The following FAP variants were observed in gnomAD, a reference collection of about 807,000 sequenced individuals.
FAP encodes the protein prolyl endopeptidase FAP.
Under a neutral mutation model 126.5 loss-of-function variants are expected in FAP, and 110 were observed. That is an observed-to-expected ratio of 0.87 (90% CI 0.74 to 1.02). FAP has a LOEUF of 1.02. Among genes scored for constraint, FAP ranks in the 50% least tolerant of loss-of-function variants. The pLI is 0.00. For synonymous variants in FAP, 334 were observed against 297.3 expected, an observed-to-expected ratio of 1.12 and a Z score of -1.27; for missense variants, 919 against 909.2, an observed-to-expected ratio of 1.01 and a Z score of -0.14.
intron 2 of FAP, among the ~76,000 whole-genome samples, chr2:162,234,203 G>A (rs1576199335): frequency 6.6e-6 from 1 of 151,956 alleles, no homozygotes; most frequent in African/African-American, 2.4e-5. Context: ...TTGCATTTTT[G>A]TATGAATTTT....
chr2:162,221,468 T>G, intron 6 of FAP: 1 of 298,584 alleles, frequency 3.3e-6, no homozygotes, highest in South Asian at 2.8e-5. Flanking sequence ...GAGGTTGCAG[T>G]GAGCCGAGAT....
rs528230108 is a variant in FAP at position 162,201,592 on chromosome 2, C to A, written c.1224-973G>T. Among the ~76,000 whole-genome samples, 48 of 152,242 alleles carry A rather than the reference C, an allele frequency of 3.2e-4. 1 individual carries two copies. The South Asian group carries it at 1.0e-2, about 32-fold the overall frequency. On this transcript the variant is annotated intron_variant, in intron 14 of 25. Coordinates refer to ENST00000188790, the MANE Select transcript of FAP (RefSeq NM_004460.5). ...CTTCCCTGATTGTCTCCCTCTCTAACCCTTGCAGCCAGGTCCAGTTTGTCT... is the reference window on the plus strand; with the variant it reads ...CTTCCCTGATTGTCTCCCTCTCTAAACCTTGCAGCCAGGTCCAGTTTGTCT...
At chr2:162,215,621 C>T (rs1303613415) in intron 10 of FAP, among the ~76,000 whole-genome samples, 1 of 152,116 alleles carries the variant, frequency 6.6e-6, no homozygotes, top group Admixed American at 6.5e-5. Context: ...AGGGTGAGGA[C>T]GTACATGAAT....
chr2:162,191,971 C>G (rs1239755825), intron 17 of FAP, among the ~76,000 whole-genome samples: 1 of 152,124 alleles, frequency 6.6e-6, no homozygotes, highest in Admixed American at 6.6e-5. Flanking sequence ...AGAGATTAAT[C>G]CATTTACCTG....
chr2:162,210,386 G>T (rs1051879930), intron 11 of FAP, among the ~76,000 whole-genome samples: 6 of 151,928 alleles, frequency 3.9e-5, no homozygotes, highest in African/African-American at 1.5e-4. Flanking sequence ...TCTTATTTTG[G>T]GTTATATTTT....
chr2:162,215,083 G>A (rs549353003), intron 10 of FAP, among the ~76,000 whole-genome samples: 5 of 152,180 alleles, frequency 3.3e-5, no homozygotes, highest in South Asian at 2.1e-4. Context: ...ATCAGGGTGG[G>A]GAATAGCAGA....
At chr2:162,218,922 T>C in intron 8 of FAP, 141 bp downstream of exon 8, 1 of 572,988 alleles carries the variant, frequency 1.7e-6, no homozygotes, top group Non-Finnish European at 2.8e-6. Context: ...ACGTATGCCC[T>C]ATTCGTAACC....
At chr2:162,215,852 A>G in intron 10 of FAP, 46 bp downstream of exon 10, 1 of 1,345,378 alleles carries the variant, frequency 7.4e-7, no homozygotes, top group Non-Finnish European at 1.1e-6. Context: ...GCATAAATGC[A>G]CTAGAATATA....
At chr2:162,202,991 C>A in intron 13 of FAP, 49 bp from the exon 14 acceptor site, 2 of 1,592,050 alleles carry the variant, frequency 1.3e-6, no homozygotes, top group Non-Finnish European at 1.7e-6. Context: ...GTTATTTGAG[C>A]AACCTCAAGT....
At chr2:162,182,758 A>G (rs1276950706) in intron 21 of FAP, among the ~76,000 whole-genome samples, 3 of 152,200 alleles carry the variant, frequency 2.0e-5, no homozygotes, top group Non-Finnish European at 2.9e-5. Context: ...ACTCTTTCCA[A>G]TATTTCTCTA....
At chr2:162,213,796 T>A in intron 11 of FAP, 142 bp downstream of exon 11, 1 of 658,538 alleles carries the variant, frequency 1.5e-6, no homozygotes, top group Non-Finnish European at 2.5e-6. Context: ...GACCCATGAA[T>A]ACTGAGTGTG....
At chr2:162,179,812 A>AT (rs1206502227) in intron 21 of FAP, among the ~76,000 whole-genome samples, 298 of 90,524 alleles carry the variant, frequency 3.3e-3, no homozygotes, top group Middle Eastern at 0.012. Flanking sequence ...ATATATATAT[A>AT]TTTTTTTTTT....
In FAP at chr2:162,221,762, T is replaced by A. The variant is rs957361953; in HGVS notation, c.414-1837A>T. 6.6e-6 allele frequency: 3 copies of A among 456,454 alleles called. No individual in the cohort carries two copies. The Admixed American group carries it at 7.1e-5, about 11-fold the overall frequency. The allele number at this position is 456,454 out of a possible 1,614,324, so 28.3% of individuals were successfully genotyped here. A position where few individuals can be genotyped will look rare whatever the true frequency, so the allele number is the denominator to read the frequency against. ...TGAGAAAAGGCGAGGGAGGATGCTT[T>A]ACAAAGGCGTTCATCTCCTCAGTTT... On this transcript the variant is annotated intron_variant, in intron 6 of 25. Transcript: ENST00000188790.
At chr2:162,219,357 A>G (rs1348338398) in intron 7 of FAP, among the ~76,000 whole-genome samples, 174 bp from the exon 8 acceptor site, 1 of 152,160 alleles carries the variant, frequency 6.6e-6, no homozygotes, top group African/African-American at 2.4e-5. Context: ...ATTAACATCA[A>G]TTATGAATTT....
At chr2:162,226,642 C>T (rs1245223455) in intron 2 of FAP, 21 bp from the exon 3 acceptor site, 1 of 1,278,508 alleles carries the variant, frequency 7.8e-7, no homozygotes. Context: ...AGAGCAAATA[C>T]ATCCTTATTA....
At chr2:162,173,269 A>G (rs1400736810) in intron 23 of FAP, 48 bp from the exon 24 acceptor site, 3 of 1,359,090 alleles carry the variant, frequency 2.2e-6, no homozygotes, top group South Asian at 1.2e-5. Flanking sequence ...AAGTTCTAAT[A>G]GAAAACTAGC....
At chr2:162,237,338 T>C (rs1690178755) in intron 2 of FAP, among the ~76,000 whole-genome samples, 1 of 152,180 alleles carries the variant, frequency 6.6e-6, no homozygotes, top group African/African-American at 2.4e-5. Flanking sequence ...TCATCTACAT[T>C]AGGTATTTCT....
chr2:162,191,666 C>T (rs976853311), intron 17 of FAP, among the ~76,000 whole-genome samples: 1 of 152,036 alleles, frequency 6.6e-6, no homozygotes, highest in African/African-American at 2.4e-5. Flanking sequence ...GTTTTAAAAT[C>T]CCATATTGCT....
chr2:162,187,104 T>C (rs1375459166), intron 20 of FAP, among the ~76,000 whole-genome samples: 1 of 152,096 alleles, frequency 6.6e-6, no homozygotes, highest in African/African-American at 2.4e-5. Flanking sequence ...GTATGGGTTA[T>C]GGACACCTTT....
Sources: allele counts gnomAD v4.1 joint callset (sites outside exome capture counted in the v4.1 genomes callset), GRCh38; gene constraint gnomAD v4.1.1; transcripts MANE v1.5; gene names NCBI Gene and HGNC (gene_info 2026-07-23, HGNC 2026-07-21).